The following BCAS3 variants were observed in gnomAD, a reference collection of about 807,000 sequenced individuals.
BCAS3 encodes the protein BCAS4/BCAS3 fusion.
Under a neutral mutation model 116.1 loss-of-function variants are expected in BCAS3, and 53 were observed. The observed-to-expected ratio is 0.46, with a 90% CI of 0.37 to 0.57. The LOEUF (loss-of-function observed/expected upper bound fraction) is 0.57, where lower values mean the gene tolerates loss of function less well. Among genes scored for constraint, BCAS3 ranks in the 20% least tolerant of loss-of-function variants. The pLI is 0.00. For missense variants in BCAS3, 917 were observed against 1,165.4 expected (o/e 0.79, Z 3.10); for synonymous variants, 391 against 408.2 (o/e 0.96, Z 0.51).
chr17:61,160,129 T>A (rs887317450), intron 22 of BCAS3, among the ~76,000 whole-genome samples: 16 of 151,562 alleles, frequency 1.1e-4, no homozygotes, highest in African/African-American at 3.9e-4. Context: ...ATAAATTAAC[T>A]ACAAGGAAAT....
At chr17:60,741,192 G>T (rs1051027702) in intron 5 of BCAS3, among the ~76,000 whole-genome samples, 3 of 152,052 alleles carry the variant, frequency 2.0e-5, no homozygotes, top group Non-Finnish European at 4.4e-5. Context: ...GCAGCAGTTT[G>T]CTCTATGACG....
At chr17:61,382,305 G>A (rs2059641841) in intron 23 of BCAS3, among the ~76,000 whole-genome samples, 1 of 151,108 alleles carries the variant, frequency 6.6e-6, no homozygotes, top group African/African-American at 2.4e-5. Context: ...TTGTTGCCCA[G>A]GCTGGAGTGC....
chr17:61,114,021 T>C (rs1415372989), intron 22 of BCAS3, among the ~76,000 whole-genome samples: 1 of 151,536 alleles, frequency 6.6e-6, no homozygotes, highest in Non-Finnish European at 1.5e-5. Context: ...AGAAAAGGCC[T>C]TTGACAGAAT....
At chr17:60,690,813 A>G (rs2034707718) in intron 4 of BCAS3, among the ~76,000 whole-genome samples, 1 of 145,666 alleles carries the variant, frequency 6.9e-6, no homozygotes, top group Non-Finnish European at 1.5e-5. Context: ...CTAGCTGCTC[A>G]GGAAGCTGAG....
chr17:60,696,074 T>A (rs903283467), intron 4 of BCAS3, among the ~76,000 whole-genome samples: 1 of 152,202 alleles, frequency 6.6e-6, no homozygotes. Context: ...TATTCATACC[T>A]TTATGATTAT....
chr17:60,827,884 T>C (rs1268692104), intron 7 of BCAS3, among the ~76,000 whole-genome samples: 1 of 152,142 alleles, frequency 6.6e-6, no homozygotes, highest in Admixed American at 6.5e-5. Flanking sequence ...GTTAAAAATA[T>C]AAAGGTAAAG....
At position 61,388,906 on chromosome 17, in the gene BCAS3, G is replaced by T. The variant is rs2059988984; in HGVS notation, c.2594-3071G>T. 1.8e-6 allele frequency: 1 copy of T among 569,432 alleles called. No individual in the cohort carries two copies. The highest frequency in any genetic ancestry group is 3.1e-6 in the Non-Finnish European group (1 of 322,090). 35.3% of individuals were successfully genotyped at this position (569,432 alleles called of 1,614,324 possible). ...GCTGCCCCGGGGCCAGCAGGCCCCC[G>T]ATTCTTTCAGTTAGTCTGTGTTGAA... On this transcript the variant is annotated intron_variant, in intron 23 of 23. Coordinates refer to ENST00000407086, the MANE Select transcript of BCAS3 (RefSeq NM_017679.5). The surrounding 1 kb of genome is among the most constrained non-coding windows in gnomAD (Gnocchi z 6.5).
In BCAS3 at chr17:61,139,535, A is replaced by G. The variant is rs1165284167; in HGVS notation, c.2425+54971A>G. On this transcript the variant is annotated intron_variant, in intron 22 of 23. Transcript: ENST00000407086. The surrounding 1 kb of genome is among the most constrained non-coding windows in gnomAD (Gnocchi z 4.7). ...GCAGAAGCCATAATGTATAATGTTC[A>G]GGAGTGGGTGAGCTACCTAAGAAAC... Among the ~76,000 whole-genome samples, 1 of 152,224 alleles carries G rather than the reference A, an allele frequency of 6.6e-6. No individual in the cohort carries two copies. Among genetic ancestry groups the G allele is most frequent in the Non-Finnish European group, 1.5e-5 (1 of 68,048 alleles).
chr17:61,141,521 G>A lies in BCAS3; in HGVS notation c.2425+56957G>A, dbSNP rs1360472816. The stretch of plus-strand genomic sequence containing the variant: ...TGCAGTGAGTTATGATCACACCACA[G>A]CACTCCAGCCTGGGCGGCAGAGCGA... On this transcript the variant is annotated intron_variant, in intron 22 of 23. Coordinates refer to ENST00000407086, the MANE Select transcript of BCAS3 (RefSeq NM_017679.5). The surrounding 1 kb of genome is among the most constrained non-coding windows in gnomAD (Gnocchi z 4.3). Among the ~76,000 whole-genome samples the A allele has an allele frequency of 1.3e-5, 2 of 152,160 alleles. No individual in the cohort carries two copies. The highest frequency in any genetic ancestry group is 2.9e-5 in the Non-Finnish European group (2 of 68,016).
At chr17:60,814,292 T>TGCGC (rs1205047495) in intron 7 of BCAS3, among the ~76,000 whole-genome samples, 13 of 125,410 alleles carry the variant, frequency 1.0e-4, no homozygotes, top group African/African-American at 5.5e-4. Flanking sequence ...TGTGTGTGTG[T>TGCGC]GTGTGTGTGT....
intron 6 of BCAS3, among the ~76,000 whole-genome samples, chr17:60,754,134 C>G (rs11650440): frequency 0.73 from 109,892 of 151,544 alleles, 45,522 homozygotes; most frequent in South Asian, 0.98. Flanking sequence ...CTCCTGGGCT[C>G]AAGTGATCCT....
At chr17:61,312,545 C>CT (rs908726997) in intron 22 of BCAS3, among the ~76,000 whole-genome samples, 1 of 152,126 alleles carries the variant, frequency 6.6e-6, no homozygotes, top group Non-Finnish European at 1.5e-5. Flanking sequence ...CTTGCTCCAA[C>CT]TTTTTTTTCT....
intron 22 of BCAS3, among the ~76,000 whole-genome samples, chr17:61,328,139 C>T (rs1031187223): frequency 6.6e-6 from 1 of 151,328 alleles, no homozygotes; most frequent in African/African-American, 2.4e-5. Flanking sequence ...ATGCACATAT[C>T]GTGGAATAAC....
intron 7 of BCAS3, among the ~76,000 whole-genome samples, chr17:60,847,416 C>G (rs749057394): frequency 6.6e-6 from 1 of 152,158 alleles, no homozygotes; most frequent in Non-Finnish European, 1.5e-5. Context: ...AAGCTGTTTT[C>G]CACAGGAGAT....
chr17:61,021,996 T>C lies in BCAS3; in HGVS notation c.1637+6095T>C, dbSNP rs1176351759. 1.3e-5 allele frequency among the ~76,000 whole-genome samples: 2 copies of C among 152,178 alleles called. No homozygotes were observed. Among genetic ancestry groups the C allele is most frequent in the Non-Finnish European group, 2.9e-5 (2 of 68,014 alleles). On this transcript the variant is annotated intron_variant, in intron 16 of 23. Transcript: ENST00000407086. The surrounding 1 kb of genome is among the most constrained non-coding windows in gnomAD (Gnocchi z 4.6). ...AGCTTGGGTAATTCCCCACCTCATG[T>C]TTCTGCCTTATGTAAGTACCAGTTC...
rs371167043 is a variant in BCAS3, at chr17:60,937,527, C to T, written c.1088-9692C>T. Among the ~76,000 whole-genome samples the T allele has an allele frequency of 9.9e-5, 15 of 152,154 alleles. No individual in the cohort carries two copies. In the East Asian group the frequency reaches 2.1e-3, roughly 22 times the overall value. On this transcript the variant is annotated intron_variant, in intron 13 of 23. Coordinates refer to ENST00000407086, the MANE Select transcript of BCAS3 (RefSeq NM_017679.5). ...TGTTGAATTTTATTTATGTATGTAC[C>T]TCTCTAAGCAACATCCATAGTGTTT...
At chr17:60,706,083 A>T (rs781712329) in intron 4 of BCAS3, among the ~76,000 whole-genome samples, 8 of 151,618 alleles carry the variant, frequency 5.3e-5, no homozygotes, top group Non-Finnish European at 1.0e-4. Flanking sequence ...TTTTATGGAG[A>T]TGGAGTTTCG....
intron 22 of BCAS3, among the ~76,000 whole-genome samples, chr17:61,305,299 G>A (rs1334792356): frequency 1.3e-5 from 2 of 152,116 alleles, no homozygotes; most frequent in Admixed American, 6.5e-5. Flanking sequence ...CTAGTATGGT[G>A]TGAGGAGTGG....
At chr17:61,099,805 T>C (rs933521860) in intron 22 of BCAS3, among the ~76,000 whole-genome samples, 8 of 152,204 alleles carry the variant, frequency 5.3e-5, no homozygotes, top group Non-Finnish European at 5.9e-5. Flanking sequence ...AGGCTAACTT[T>C]CAGACATAAT....
Sources: allele counts gnomAD v4.1 joint callset (sites outside exome capture counted in the v4.1 genomes callset), GRCh38; gene constraint gnomAD v4.1.1; non-coding constraint Gnocchi (gnomAD v3.1); transcripts MANE v1.5; gene names NCBI Gene and HGNC (gene_info 2026-07-23, HGNC 2026-07-21).